Variants in NUMA1 observed in about 807,000 individuals in gnomAD.
NUMA1 encodes SP-H antigen.
A neutral mutation model predicts 237.1 loss-of-function variants in NUMA1; 62 were observed. The ratio of observed to expected loss-of-function variants is 0.26; its 90% confidence interval spans 0.21 to 0.32. The LOEUF (loss-of-function observed/expected upper bound fraction) is 0.32, where lower values mean the gene tolerates loss of function less well. Among genes scored for constraint, NUMA1 ranks in the 10% least tolerant of loss-of-function variants. The probability of loss-of-function intolerance (pLI) is 1.00; values close to 1 mark genes in which losing one functional copy is unlikely to be tolerated. For missense variants in NUMA1, 2,533 were observed against 2,666.5 expected (o/e 0.95, Z 1.10); for synonymous variants, 1,028 against 1,066.1 (o/e 0.96, Z 0.70).
At position 72,011,164 on chromosome 11, in the gene NUMA1, C is replaced by T. The variant is rs141910447; in HGVS notation, c.4651-310G>A. Among the ~76,000 whole-genome samples the T allele has an allele frequency of 1.2e-4, 18 of 152,272 alleles. No individual in the cohort carries two copies. The East Asian group carries it at 3.3e-3, about 28-fold the overall frequency. ...ATCAGGAGAATTGACTCTGGGGAGC[C>T]GACACCTCACCACCACCTTGCTGCC... On this transcript the variant is annotated intron_variant, in intron 16 of 26. Transcript: ENST00000393695.
intron 2 of NUMA1, among the ~76,000 whole-genome samples, chr11:72,048,888 G>C (rs1015732978): frequency 6.6e-6 from 1 of 152,178 alleles, no homozygotes; most frequent in Non-Finnish European, 1.5e-5. Flanking sequence ...TGGTGCTAAA[G>C]GGAAGGACTG....
intron 3 of NUMA1, among the ~76,000 whole-genome samples, chr11:72,034,274 T>C (rs1348867957): frequency 6.6e-6 from 1 of 152,190 alleles, no homozygotes; most frequent in African/African-American, 2.4e-5. Context: ...AATGACTGCA[T>C]GTATGTGGGT....
chr11:72,013,447 G>A lies in NUMA1; in HGVS notation c.4056C>T (p.Ser1352=). 6.2e-7 allele frequency: 1 copy of A among 1,613,340 alleles called. No homozygotes were observed. Among genetic ancestry groups the A allele is most frequent in the Non-Finnish European group, 8.5e-7 (1 of 1,180,018 alleles). The change falls in exon 15 of 27, where the codon AGC becomes AGT. Residue 1352 remains serine, a synonymous_variant. Coordinates refer to ENST00000393695, the MANE Select transcript of NUMA1 (RefSeq NM_006185.4). The surrounding 1 kb of genome is among the most constrained non-coding windows in gnomAD (Gnocchi z 6.8). ...ALSTLQLEHT[S]TQALVSELLP... is the part of the protein sequence containing the mutation. Reference sequence around the variant, plus strand: ...GCAGCTCACTCACCAGGGCCTGTGTGCTGGTGTGCTCGAGCTGCAGGGTGG... The same window carrying A: ...GCAGCTCACTCACCAGGGCCTGTGTACTGGTGTGCTCGAGCTGCAGGGTGG...
At chr11:72,050,885 C>CT (rs11414539) in intron 2 of NUMA1, 60,130 of 121,678 alleles carry the variant, frequency 0.49, 16,355 homozygotes, top group African/African-American at 0.63. Flanking sequence ...CTATACCCAC[C>CT]TTTTTTTTTT....
intron 4 of NUMA1, among the ~76,000 whole-genome samples, chr11:72,026,567 G>C (rs1939613439): frequency 6.6e-6 from 1 of 152,236 alleles, no homozygotes; most frequent in African/African-American, 2.4e-5. Context: ...ACTTGTCAGA[G>C]GGGTTGATCC....
chr11:72,061,779 T>C (rs1290027342), intron 2 of NUMA1, among the ~76,000 whole-genome samples: 1 of 152,098 alleles, frequency 6.6e-6, no homozygotes, highest in Non-Finnish European at 1.5e-5. Context: ...TGAGCCACCA[T>C]GCCTGGCCCC....
intron 2 of NUMA1, among the ~76,000 whole-genome samples, chr11:72,064,333 T>A (rs754383927): frequency 4.6e-5 from 7 of 151,738 alleles, no homozygotes; most frequent in Non-Finnish European, 8.8e-5. Context: ...CATGATGGCA[T>A]GCGCCTGTAG....
At chr11:72,072,794 C>T (rs1461479662) in intron 1 of NUMA1, among the ~76,000 whole-genome samples, 2 of 152,114 alleles carry the variant, frequency 1.3e-5, no homozygotes, top group East Asian at 3.9e-4. Flanking sequence ...GTGGCTCACG[C>T]CTGTAATCCC....
intron 2 of NUMA1, chr11:72,039,771 T>C (rs1156717353): frequency 6.6e-6 from 1 of 152,282 alleles, no homozygotes; most frequent in African/African-American, 2.4e-5. Flanking sequence ...AAGAATTCCA[T>C]GCTCTGTACC....
chr11:72,013,439 G>A lies in NUMA1; in HGVS notation c.4064C>T (p.Ala1355Val). The A allele has an allele frequency of 3.1e-6, 5 of 1,613,244 alleles. No individual in the cohort carries two copies. Among genetic ancestry groups the A allele is most frequent in the Non-Finnish European group, 4.2e-6 (5 of 1,180,000 alleles). Residue 1355 changes from alanine to valine, a missense_variant, in exon 15 of 27, where the codon GCC becomes GTC. This residue lies in a region of NUMA1 where 324 missense variants were observed against 407.6 expected (regional missense o/e 0.79). Coordinates refer to ENST00000393695, the MANE Select transcript of NUMA1 (RefSeq NM_006185.4). This position sits in a 1 kb window ranked among gnomAD's most constrained non-coding sequence, Gnocchi z 6.8. Reference sequence around the variant, plus strand: ...AGCTGGCAGCAGCTCACTCACCAGGGCCTGTGTGCTGGTGTGCTCGAGCTG... The same window carrying A: ...AGCTGGCAGCAGCTCACTCACCAGGACCTGTGTGCTGGTGTGCTCGAGCTG... ...TLQLEHTSTQ[A>V]LVSELLPAKH...
chr11:72,015,337 C>CTT lies in NUMA1; in HGVS notation c.2164_2165dup (p.Arg723SerfsTer18). The CTT allele has an allele frequency of 6.2e-7, 1 of 1,613,448 alleles. No homozygotes were observed. Among genetic ancestry groups the CTT allele is most frequent in the Non-Finnish European group, 8.5e-7 (1 of 1,180,040 alleles). ...CTTCCAGGGCATCTGCAGCCCTGCG[C>CTT]TTCTCCTCTTCAAGGCTGCCCTTGG... On this transcript the variant is annotated frameshift_variant, in exon 15 of 27. Coordinates refer to ENST00000393695, the MANE Select transcript of NUMA1 (RefSeq NM_006185.4). LOFTEE classifies it high-confidence loss of function. The surrounding 1 kb of genome is among the most constrained non-coding windows in gnomAD (Gnocchi z 4.0).
Position 72,015,126 on chromosome 11 carries a change from T to C in NUMA1, c.2377A>G (p.Met793Val), listed in dbSNP as rs748505480. 12 of 1,613,402 alleles carry C rather than the reference T, an allele frequency of 7.4e-6. No homozygotes were observed. In the East Asian group the frequency reaches 2.0e-4, roughly 27 times the overall value. Reference protein sequence around the residue: ...EVLRRELAEAMAAQHTAESEC... With the variant: ...EVLRRELAEAVAAQHTAESEC... ...CTCTCAGCTGTGTGCTGGGCAGCCATGGCCTCTGCCAGCTCCCGCCGCAGG... is the reference window on the plus strand; with the variant it reads ...CTCTCAGCTGTGTGCTGGGCAGCCACGGCCTCTGCCAGCTCCCGCCGCAGG... The change falls in exon 15 of 27, where the codon ATG becomes GTG. Residue 793 changes from methionine to valine, a missense_variant. By Grantham distance (21) the Met-to-Val change is conservative. Coordinates refer to ENST00000393695, the MANE Select transcript of NUMA1 (RefSeq NM_006185.4). The surrounding 1 kb of genome is among the most constrained non-coding windows in gnomAD (Gnocchi z 4.0).
rs370806373 is a variant in NUMA1 at position 72,015,112 on chromosome 11, G to C, written c.2391C>G (p.His797Gln). The change falls in exon 15 of 27, where the codon CAC (histidine) becomes CAG (glutamine). Residue 797 changes from histidine (H) to glutamine (Q), a missense_variant. Physicochemically the swap from His to Gln is conservative, Grantham distance 24. Coordinates refer to ENST00000393695, the MANE Select transcript of NUMA1 (RefSeq NM_006185.4). The surrounding 1 kb of genome is among the most constrained non-coding windows in gnomAD (Gnocchi z 4.0). ...GCTGCTCACACTCACTCTCAGCTGT[G>C]TGCTGGGCAGCCATGGCCTCTGCCA... ...RELAEAMAAQHTAESECEQLV... is the reference protein window; with the variant it reads ...RELAEAMAAQQTAESECEQLV... 71 of 1,613,446 alleles carry C rather than the reference G, an allele frequency of 4.4e-5. No homozygotes were observed. Among genetic ancestry groups the C allele is most frequent in the Non-Finnish European group, 5.9e-5 (70 of 1,180,038 alleles).
intron 3 of NUMA1, among the ~76,000 whole-genome samples, chr11:72,035,600 G>A (rs1050920063): frequency 7.2e-5 from 11 of 151,836 alleles, no homozygotes; most frequent in African/African-American, 2.7e-4. Context: ...TAGAGACGGG[G>A]GGGTTTCACC....
chr11:72,057,779 A>T (rs534914118), intron 2 of NUMA1, among the ~76,000 whole-genome samples: 28 of 150,974 alleles, frequency 1.9e-4, no homozygotes, highest in South Asian at 1.3e-3. Context: ...ACAAAAAAAC[A>T]AAAAACTAAG....
chr11:72,017,160 A>G (rs1937940042), intron 13 of NUMA1: 1 of 172,228 alleles, frequency 5.8e-6, no homozygotes, highest in African/African-American at 2.4e-5. Flanking sequence ...TGTGGGAGGC[A>G]GCTACTACCA....
intron 1 of NUMA1, among the ~76,000 whole-genome samples, chr11:72,078,727 C>CA (rs1943836399): frequency 6.6e-6 from 1 of 152,164 alleles, no homozygotes; most frequent in Non-Finnish European, 1.5e-5. Context: ...GAAGCTTTCA[C>CA]AAAAAAGTAT....
intron 17 of NUMA1, among the ~76,000 whole-genome samples, 195 bp downstream of exon 17, chr11:72,010,591 G>A (rs1015261416): frequency 4.6e-5 from 7 of 152,194 alleles, no homozygotes; most frequent in Non-Finnish European, 1.0e-4. Context: ...GTTGAGAGAT[G>A]GGAACCACCC....
chr11:72,028,141 C>G (rs1366383766), intron 4 of NUMA1, among the ~76,000 whole-genome samples: 1 of 152,210 alleles, frequency 6.6e-6, no homozygotes, highest in Admixed American at 6.5e-5. Context: ...CCCGCTAGAC[C>G]TTGCTGATAG....
Sources: gnomAD v4.1 joint callset for allele counts (sites outside exome capture counted in the v4.1 genomes callset) on GRCh38, gnomAD v4.1.1 for gene constraint, gnomAD v4.1.1 regional missense constraint, Gnocchi (gnomAD v3.1) non-coding constraint, MANE v1.5 for transcripts, NCBI Gene and HGNC (gene_info 2026-07-23, HGNC 2026-07-21) for gene names.